Variants in PCCA observed in about 807,000 individuals in gnomAD.
PCCA encodes the protein propionyl-CoA carboxylase alpha chain, mitochondrial.
Under a neutral mutation model 101.3 loss-of-function variants are expected in PCCA, and 74 were observed. That is an observed-to-expected ratio of 0.73 (90% CI 0.61 to 0.89). The LOEUF is 0.89. Among genes scored for constraint, PCCA ranks in the 40% least tolerant of loss-of-function variants. PCCA has a pLI of 0.00. For missense variants in PCCA, 891 were observed against 907.0 expected, an observed-to-expected ratio of 0.98 and a Z score of 0.23; for synonymous variants, 294 against 313.6, an observed-to-expected ratio of 0.94 and a Z score of 0.66.
At chr13:100,483,831 T>C (rs1444608221) in intron 21 of PCCA, among the ~76,000 whole-genome samples, 1 of 152,212 alleles carries the variant, frequency 6.6e-6, no homozygotes, top group Non-Finnish European at 1.5e-5. Context: ...ACCTCCCTAA[T>C]CTGCACATCC....
At chr13:100,292,072 G>C (rs1167233058) in intron 12 of PCCA, among the ~76,000 whole-genome samples, 1 of 152,206 alleles carries the variant, frequency 6.6e-6, no homozygotes, top group Non-Finnish European at 1.5e-5. Context: ...GTGGGAGCCA[G>C]GCTGGTTCCA....
chr13:100,348,350 A>G lies in PCCA; in HGVS notation c.1643+8091A>G, dbSNP rs369684637. 9.8e-4 allele frequency among the ~76,000 whole-genome samples: 150 copies of G among 152,368 alleles called. 4 individuals carry two copies. In the South Asian group the frequency reaches 0.028, roughly 29 times the overall value. ...CAATAGTGGTTCATTTTAGAAAAAAAGAAAAGTTAATGTCAGAAACAATAG... is the reference window on the plus strand; with the variant it reads ...CAATAGTGGTTCATTTTAGAAAAAAGGAAAAGTTAATGTCAGAAACAATAG... On this transcript the variant is annotated intron_variant, in intron 18 of 23. Coordinates refer to ENST00000376285, the MANE Select transcript of PCCA (RefSeq NM_000282.4).
intron 4 of PCCA, chr13:100,150,641 G>T: frequency 7.7e-7 from 1 of 1,292,596 alleles, no homozygotes; most frequent in South Asian, 1.2e-5. Flanking sequence ...GACTGATTTG[G>T]TGATCCATTA....
rs5806149 is a variant in PCCA, at chr13:100,112,576, C to CTTT, written c.300+531_300+533dup. Among the ~76,000 whole-genome samples the CTTT allele has an allele frequency of 1.7e-3, 206 of 124,000 alleles. 1 individual carries two copies. Among genetic ancestry groups the CTTT allele is most frequent in the African/African-American group, 2.0e-3 (65 of 32,842 alleles). The allele number at this position is 124,000 out of a possible 152,430, so 81.3% of individuals were successfully genotyped here. A position where few individuals can be genotyped will look rare whatever the true frequency, so the allele number is the denominator to read the frequency against. On this transcript the variant is annotated intron_variant, in intron 4 of 23. Transcript: ENST00000376285. ...ATTTGGTACTTTTAACACAGCAGGC[C>CTTT]TTTTTTTTTTTTTTTTTTGGGACAG...
At chr13:100,103,513 T>C (rs796242545) in intron 2 of PCCA, among the ~76,000 whole-genome samples, 5 of 152,112 alleles carry the variant, frequency 3.3e-5, no homozygotes, top group African/African-American at 1.2e-4. Flanking sequence ...GGTTTCACCA[T>C]GTTGGCCAGG....
intron 6 of PCCA, among the ~76,000 whole-genome samples, chr13:100,186,294 A>T (rs1210883085): frequency 6.6e-6 from 1 of 152,230 alleles, no homozygotes; most frequent in African/African-American, 2.4e-5. Context: ...GTATCTGTAC[A>T]AATATATTTA....
intron 6 of PCCA, among the ~76,000 whole-genome samples, chr13:100,158,243 A>G (rs144220224): frequency 8.5e-5 from 13 of 152,378 alleles, no homozygotes; most frequent in Admixed American, 3.3e-4. Context: ...ATTAGAATCT[A>G]TGGAACCACT....
intron 14 of PCCA, among the ~76,000 whole-genome samples, chr13:100,303,445 A>G (rs903484673): frequency 1.3e-5 from 2 of 152,172 alleles, no homozygotes; most frequent in African/African-American, 2.4e-5. Flanking sequence ...GCCTCAGTCT[A>G]TTAAACCTCA....
At chr13:100,338,880 A>G (rs2070900386) in intron 17 of PCCA, among the ~76,000 whole-genome samples, 1 of 151,832 alleles carries the variant, frequency 6.6e-6, no homozygotes, top group Non-Finnish European at 1.5e-5. Context: ...AAGTATTTGT[A>G]TCTTAATTTT....
At chr13:100,426,176 T>C (rs1158460061) in intron 20 of PCCA, among the ~76,000 whole-genome samples, 1 of 152,216 alleles carries the variant, frequency 6.6e-6, no homozygotes, top group Non-Finnish European at 1.5e-5. Context: ...TTAGTAATCT[T>C]AACTTATTAA....
At chr13:100,331,293 T>G (rs2069531413) in intron 17 of PCCA, among the ~76,000 whole-genome samples, 1 of 152,130 alleles carries the variant, frequency 6.6e-6, no homozygotes. Context: ...TATTGAGAGA[T>G]AAACAAGATT....
At chr13:100,263,941 ATATAC>A (rs2062718826) in intron 10 of PCCA, among the ~76,000 whole-genome samples, 1 of 150,128 alleles carries the variant, frequency 6.7e-6, no homozygotes, top group Non-Finnish European at 1.5e-5. Flanking sequence ...TGTATGTCAT[ATATAC>A]GGTATCTGTA....
intron 12 of PCCA, among the ~76,000 whole-genome samples, chr13:100,299,621 A>G (rs1178549642): frequency 3.9e-5 from 6 of 152,244 alleles, no homozygotes; most frequent in African/African-American, 1.2e-4. Context: ...AGAAAGAGGA[A>G]ACTGAATGGT....
rs534284631 is a variant in PCCA, at chr13:100,403,316, G to A, written c.1747-22317G>A. 1.1e-4 allele frequency among the ~76,000 whole-genome samples: 16 copies of A among 152,308 alleles called. No individual in the cohort carries two copies. In the South Asian group the frequency reaches 3.1e-3, roughly 30 times the overall value. On this transcript the variant is annotated intron_variant, in intron 19 of 23. Coordinates refer to ENST00000376285, the MANE Select transcript of PCCA (RefSeq NM_000282.4). ...ACAACACTCAGTTATTGGCATGTGT[G>A]TTAGGCCGTTTCTCACACTGCTGTA...
At chr13:100,367,645 G>GTT (rs548639518) in intron 18 of PCCA, among the ~76,000 whole-genome samples, 4 of 125,810 alleles carry the variant, frequency 3.2e-5, no homozygotes, top group South Asian at 2.6e-4. Flanking sequence ...TTTTTTTTTT[G>GTT]TTTTTTTTTT....
intron 6 of PCCA, among the ~76,000 whole-genome samples, chr13:100,169,511 C>A (rs1326499818): frequency 6.6e-6 from 1 of 151,208 alleles, no homozygotes; most frequent in Non-Finnish European, 1.5e-5. Flanking sequence ...AGGCTGAACT[C>A]ATGCTTTTTA....
rs1566912062 is a variant in PCCA at position 100,309,921 on chromosome 13, A to T, written c.1429+13A>T. The T allele has an allele frequency of 3.1e-6, 5 of 1,591,622 alleles. No individual in the cohort carries two copies. The highest frequency in any genetic ancestry group is 3.3e-5 in the Admixed American group (2 of 59,984). On this transcript the variant is annotated intron_variant, in intron 16 of 23. Coordinates refer to ENST00000376285, the MANE Select transcript of PCCA (RefSeq NM_000282.4). ...TATGTTATTCGAGGTAAAAACAAAGATTTGCACTCGTTGGTTATTGTATAT... is the reference window on the plus strand; with the variant it reads ...TATGTTATTCGAGGTAAAAACAAAGTTTTGCACTCGTTGGTTATTGTATAT...
intron 19 of PCCA, among the ~76,000 whole-genome samples, chr13:100,421,160 G>A (rs2078721629): frequency 6.6e-6 from 1 of 151,926 alleles, no homozygotes. Flanking sequence ...GCAGTGAGCT[G>A]AGATTGCGAG....
chr13:100,359,041 A>G (rs914286957), intron 18 of PCCA, among the ~76,000 whole-genome samples: 1 of 144,658 alleles, frequency 6.9e-6, no homozygotes, highest in African/African-American at 2.6e-5. Context: ...AGGAGCTTGC[A>G]GTGAGCTGAG....
Sources: allele counts gnomAD v4.1 joint callset (sites outside exome capture counted in the v4.1 genomes callset), GRCh38; gene constraint gnomAD v4.1.1; transcripts MANE v1.5; gene names NCBI Gene and HGNC (gene_info 2026-07-23, HGNC 2026-07-21).